ACOXL: variants seen among roughly 807,000 people sequenced by gnomAD.
ACOXL encodes the protein acyl-CoA oxidase like.
Under a neutral mutation model 71.9 loss-of-function variants are expected in ACOXL, and 70 were observed. That is an observed-to-expected ratio of 0.97 (90% confidence interval 0.80 to 1.19). The LOEUF is 1.19. ACOXL is among the 50% of genes most tolerant of loss of function. The probability of loss-of-function intolerance (pLI) is 0.00; values close to 1 mark genes in which losing one functional copy is unlikely to be tolerated. For synonymous variants in ACOXL, 253 were observed against 281.6 expected (o/e 0.90, Z 1.02); for missense variants, 703 against 736.3 (o/e 0.95, Z 0.52).
chr2:110,777,893 CAT>C (rs960103284), intron 2 of ACOXL, among the ~76,000 whole-genome samples: 4 of 152,348 alleles, frequency 2.6e-5, no homozygotes, highest in African/African-American at 7.2e-5. Flanking sequence ...GCTGTCCAAA[CAT>C]AGAATGTGGG....
At chr2:110,749,487 AG>A (rs1678648633) in intron 1 of ACOXL, among the ~76,000 whole-genome samples, 1 of 152,310 alleles carries the variant, frequency 6.6e-6, no homozygotes, top group African/African-American at 2.4e-5. Context: ...GCACTTTGGG[AG>A]GCTGAGGCCG....
chr2:110,967,031 C>T (rs557235810), intron 12 of ACOXL, among the ~76,000 whole-genome samples: 1 of 152,238 alleles, frequency 6.6e-6, no homozygotes, highest in East Asian at 1.9e-4. Context: ...AAGAAAATTG[C>T]AACTTAAATG....
rs1330790715 is a variant in ACOXL, at chr2:110,798,704, T to A, written c.440T>A (p.Ile147Asn). ...TATGCAGCTGTCTTTGCCCAGCTCA[T>A]CATAGATGGAAGATCTCAAGGTTTG... ...GNYAAVFAQL[I>N]IDGRSQGPHC... is the part of the protein sequence containing the mutation. Residue 147 changes from isoleucine to asparagine, a missense_variant, in exon 6 of 18, where the codon ATC (isoleucine) becomes AAC (asparagine). Physicochemically the swap from Ile to Asn is moderately radical, Grantham distance 149. Transcript: ENST00000439055. 1 of 1,614,138 alleles carries A rather than the reference T, an allele frequency of 6.2e-7. No homozygotes were observed. The highest frequency in any genetic ancestry group is 1.3e-5 in the African/African-American group (1 of 75,058).
chr2:110,991,627 C>T (rs1253991958), intron 13 of ACOXL, among the ~76,000 whole-genome samples: 2 of 152,078 alleles, frequency 1.3e-5, no homozygotes, highest in Non-Finnish European at 2.9e-5. Context: ...AAATGATGGC[C>T]TGGGATTCTT....
At chr2:110,790,198 G>GC (rs2105228485) in intron 3 of ACOXL, among the ~76,000 whole-genome samples, 1 of 152,322 alleles carries the variant, frequency 6.6e-6, no homozygotes, top group South Asian at 2.1e-4. Flanking sequence ...GTGGCTGGGG[G>GC]CCCAGCCCCA....
chr2:110,930,844 A>G (rs1395527505), intron 11 of ACOXL, among the ~76,000 whole-genome samples: 1 of 152,112 alleles, frequency 6.6e-6, no homozygotes, highest in Non-Finnish European at 1.5e-5. Context: ...GCCTTCCATC[A>G]TGATTGTGAG....
intron 8 of ACOXL, 77 bp from the exon 9 acceptor site, chr2:110,805,186 C>A: frequency 6.3e-7 from 1 of 1,576,712 alleles, no homozygotes. Flanking sequence ...TGTGTATGCA[C>A]ATGGGAGCCA....
At chr2:111,051,495 GTCT>G (rs1469997831) in intron 16 of ACOXL, among the ~76,000 whole-genome samples, 11 of 152,160 alleles carry the variant, frequency 7.2e-5, no homozygotes, top group African/African-American at 2.4e-4. Flanking sequence ...TTGAGACAGA[GTCT>G]TCTTCTGTCA....
At chr2:110,961,362 A>T (rs1320019645) in intron 12 of ACOXL, among the ~76,000 whole-genome samples, 1 of 151,846 alleles carries the variant, frequency 6.6e-6, no homozygotes, top group Non-Finnish European at 1.5e-5. Context: ...TGCTCCCAGA[A>T]CTCCATTGCC....
chr2:110,980,583 A>G (rs1574369788), intron 12 of ACOXL, among the ~76,000 whole-genome samples: 1 of 152,336 alleles, frequency 6.6e-6, no homozygotes. Flanking sequence ...GCTTCAGGTC[A>G]GAAATTCTAA....
At position 110,786,360 on chromosome 2, in the gene ACOXL, G is replaced by A. The variant is rs552328437; in HGVS notation, c.159+1545G>A. Among the ~76,000 whole-genome samples, 8 of 152,246 alleles carry A rather than the reference G, an allele frequency of 5.3e-5. No individual in the cohort carries two copies. In the South Asian group the frequency reaches 1.7e-3, roughly 32 times the overall value. On this transcript the variant is annotated intron_variant, in intron 3 of 17. Coordinates refer to ENST00000439055, the MANE Select transcript of ACOXL (RefSeq NM_001142807.4). ...TCTGTGAGTGCCATCTTGTCGTGAG[G>A]GTGTCCACCATCAGATTTTTCCAGG...
intron 14 of ACOXL, chr2:111,018,058 TA>T (rs2064547719): frequency 1.3e-5 from 2 of 152,118 alleles, no homozygotes; most frequent in African/African-American, 4.8e-5. Context: ...TATAGCTAAA[TA>T]AAAAATTAAG....
At position 111,061,160 on chromosome 2, in the gene ACOXL, G is replaced by A. The variant is rs138465342; in HGVS notation, c.1440+11872G>A. Among the ~76,000 whole-genome samples, 391 of 151,996 alleles carry A rather than the reference G, an allele frequency of 2.6e-3. 2 individuals are homozygous for A. Among genetic ancestry groups the A allele is most frequent in the African/African-American group, 8.9e-3 (370 of 41,466 alleles). On this transcript the variant is annotated intron_variant, in intron 16 of 17. Coordinates refer to ENST00000439055, the MANE Select transcript of ACOXL (RefSeq NM_001142807.4). ...AATTTGACAAAACCCATAAACCTAC[G>A]GATTCAAGAAGTGAATGACCAATAG...
rs370630107 is a variant in ACOXL at position 111,041,481 on chromosome 2, A to G, written c.1370-7737A>G. ...GCGTTAGTGTCAAAGTTGTCCTTCC[A>G]TGCAGGTGAAGGGGGATCTGCAGGT... On this transcript the variant is annotated intron_variant, in intron 15 of 17. Transcript: ENST00000439055. Among the ~76,000 whole-genome samples the G allele has an allele frequency of 1.9e-4, 29 of 152,246 alleles. No homozygotes were observed. The East Asian group carries it at 3.7e-3, about 19-fold the overall frequency.
intron 15 of ACOXL, among the ~76,000 whole-genome samples, chr2:111,040,179 G>A (rs3789077): frequency 0.18 from 26,750 of 152,168 alleles, 2,543 homozygotes; most frequent in Middle Eastern, 0.23. Flanking sequence ...GCAGCTGTGA[G>A]CAGCTGAGCT....
chr2:110,896,708 C>G lies in ACOXL; in HGVS notation c.789-12081C>G, dbSNP rs191848505. Among the ~76,000 whole-genome samples the G allele has an allele frequency of 6.4e-4, 98 of 152,282 alleles. 1 individual carries two copies. Among genetic ancestry groups the G allele is most frequent in the Middle Eastern group, 3.4e-3 (1 of 294 alleles). ...TAATCTTAAATGTCTATGTAAAACACAGCACAGCCTGCAAAATACGTGAAG... is the reference window on the plus strand; with the variant it reads ...TAATCTTAAATGTCTATGTAAAACAGAGCACAGCCTGCAAAATACGTGAAG... On this transcript the variant is annotated intron_variant, in intron 10 of 17. Transcript: ENST00000439055.
At chr2:110,931,926 T>A (rs2060491593) in intron 11 of ACOXL, among the ~76,000 whole-genome samples, 1 of 152,204 alleles carries the variant, frequency 6.6e-6, no homozygotes, top group Non-Finnish European at 1.5e-5. Flanking sequence ...TTCAATGTAT[T>A]TACTCAAGAG....
rs374763169 is a variant in ACOXL at position 110,940,725 on chromosome 2, A to G, written c.1059+7083A>G. Among the ~76,000 whole-genome samples the G allele has an allele frequency of 1.1e-3, 163 of 152,342 alleles. 1 individual carries two copies. The highest frequency in any genetic ancestry group is 0.01 in the Middle Eastern group (3 of 294). On this transcript the variant is annotated intron_variant, in intron 12 of 17. Coordinates refer to ENST00000439055, the MANE Select transcript of ACOXL (RefSeq NM_001142807.4). ...ATGTTTCCATAACACTTGATGGTCA[A>G]TTTTAATAACATTATCACTCTGTGT...
intron 9 of ACOXL, among the ~76,000 whole-genome samples, chr2:110,836,860 G>C (rs1436771024): frequency 6.6e-6 from 1 of 152,232 alleles, no homozygotes; most frequent in Non-Finnish European, 1.5e-5. Context: ...CTGCAGACCC[G>C]GGTATAAGCT....
Sources: allele counts gnomAD v4.1 joint callset (sites outside exome capture counted in the v4.1 genomes callset), GRCh38; gene constraint gnomAD v4.1.1; transcripts MANE v1.5; gene names NCBI Gene and HGNC (gene_info 2026-07-23, HGNC 2026-07-21).